CSNK1G1: variants seen among roughly 807,000 people sequenced by gnomAD.
CSNK1G1 encodes the protein casein kinase I isoform gamma-1.
Under a neutral mutation model 59.6 loss-of-function variants are expected in CSNK1G1, and 22 were observed. The ratio of observed to expected loss-of-function variants is 0.37; its 90% CI spans 0.26 to 0.53. CSNK1G1 has a LOEUF of 0.53. CSNK1G1 is among the 20% of genes least tolerant of loss of function. The probability of loss-of-function intolerance (pLI) is 0.89; values close to 1 mark genes in which losing one functional copy is unlikely to be tolerated. For missense variants in CSNK1G1, 384 were observed against 519.5 expected, an observed-to-expected ratio of 0.74 and a Z score of 2.54; for synonymous variants, 179 against 177.1, an observed-to-expected ratio of 1.01 and a Z score of -0.08.
chr15:64,342,979 A>G (rs184554237), intron 1 of CSNK1G1, among the ~76,000 whole-genome samples: 3 of 152,274 alleles, frequency 2.0e-5, no homozygotes, highest in Non-Finnish European at 2.9e-5. Flanking sequence ...CTGCTGGTCA[A>G]GAAACCACAT....
chr15:64,255,471 C>T (rs1892326451), intron 3 of CSNK1G1, among the ~76,000 whole-genome samples: 1 of 152,142 alleles, frequency 6.6e-6, no homozygotes, highest in Admixed American at 6.5e-5. Context: ...TGGTTTGGAA[C>T]ACTTTTATAT....
chr15:64,282,692 G>A (rs1728643233), intron 2 of CSNK1G1, among the ~76,000 whole-genome samples: 1 of 152,150 alleles, frequency 6.6e-6, no homozygotes, highest in Non-Finnish European at 1.5e-5. Context: ...TTCTTCAGGT[G>A]ATAAACATTT....
intron 1 of CSNK1G1, among the ~76,000 whole-genome samples, chr15:64,301,677 CAA>C (rs1423966559): frequency 2.3e-4 from 35 of 152,284 alleles, no homozygotes; most frequent in African/African-American, 8.2e-4. Context: ...CACCTGAGGT[CAA>C]GAGTTTGAGA....
At position 64,176,192 on chromosome 15, in the gene CSNK1G1, T is replaced by C. The variant is rs1386194194; in HGVS notation, c.1214+4156A>G. The C allele has an allele frequency of 2.5e-6, 1 of 398,604 alleles. No individual in the cohort carries two copies. Among genetic ancestry groups the C allele is most frequent in the Non-Finnish European group, 4.4e-6 (1 of 226,082 alleles). The allele number at this position is 398,604 out of a possible 1,614,324, so 24.7% of individuals were successfully genotyped here. The stretch of plus-strand genomic sequence containing the variant: ...GCTATTTAATGTTCCTAAGGCATTT[T>C]GTTTGGCTTTGCCAGTCCCAGCCTA... On this transcript the variant is annotated intron_variant, in intron 11 of 11. Coordinates refer to ENST00000303052, the MANE Select transcript of CSNK1G1 (RefSeq NM_022048.5). The surrounding 1 kb of genome is among the most constrained non-coding windows in gnomAD (Gnocchi z 5.2).
Position 64,214,326 on chromosome 15 carries a change from A to C in CSNK1G1, c.445-202T>G, listed in dbSNP as rs1457303329. ...TACGTACACAACAAATATCAAGACTAGGAAAAAAAGTGGGATAGTACAGGT... is the reference window on the plus strand; with the variant it reads ...TACGTACACAACAAATATCAAGACTCGGAAAAAAAGTGGGATAGTACAGGT... On this transcript the variant is annotated intron_variant, in intron 5 of 11. Transcript: ENST00000303052. This position sits in a 1 kb window ranked among gnomAD's most constrained non-coding sequence, Gnocchi z 4.3. Among the ~76,000 whole-genome samples the C allele has an allele frequency of 6.6e-6, 1 of 152,256 alleles. No individual in the cohort carries two copies. The highest frequency in any genetic ancestry group is 1.5e-5 in the Non-Finnish European group (1 of 68,040).
intron 1 of CSNK1G1, among the ~76,000 whole-genome samples, chr15:64,337,152 T>G (rs1258648792): frequency 9.9e-5 from 15 of 152,020 alleles, no homozygotes; most frequent in Admixed American, 6.6e-4. Flanking sequence ...CGCTTGAACC[T>G]GGGAGGTGGA....
chr15:64,220,678 G>A lies in CSNK1G1; in HGVS notation c.293-3965C>T, dbSNP rs2082377397. 5.3e-5 allele frequency among the ~76,000 whole-genome samples: 8 copies of A among 151,832 alleles called. No homozygotes were observed. In the South Asian group the frequency reaches 1.7e-3, roughly 32 times the overall value. On this transcript the variant is annotated intron_variant, in intron 4 of 11. Transcript: ENST00000303052. The stretch of plus-strand genomic sequence containing the variant: ...TGTTTTTAGTTTTACTCTTGCCTCA[G>A]CCTCCTGAGTAGCTGGGACTACAGA...
intron 10 of CSNK1G1, among the ~76,000 whole-genome samples, chr15:64,191,007 A>G (rs926145985): frequency 6.6e-6 from 1 of 152,156 alleles, no homozygotes; most frequent in African/African-American, 2.4e-5. Context: ...TCTATAATAC[A>G]TACTAAATGC....
At position 64,188,459 on chromosome 15, in the gene CSNK1G1, C is replaced by T; in HGVS notation, c.1108-8005G>A. ...TCTGCCGGCTGGGCTGAATTTCCCA[C>T]TCTCCTCGGCGCTCTGATGATACAT... On this transcript the variant is annotated intron_variant, in intron 10 of 11. Transcript: ENST00000303052. The surrounding 1 kb of genome is among the most constrained non-coding windows in gnomAD (Gnocchi z 4.2). 2 of 1,536,154 alleles carry T rather than the reference C, an allele frequency of 1.3e-6. No individual in the cohort carries two copies. The highest frequency in any genetic ancestry group is 1.7e-6 in the Non-Finnish European group (2 of 1,146,916).
chr15:64,347,100 A>C (rs1436204300), intron 1 of CSNK1G1, among the ~76,000 whole-genome samples: 2 of 152,212 alleles, frequency 1.3e-5, no homozygotes, highest in African/African-American at 4.8e-5. Flanking sequence ...ATACTACTAC[A>C]TATCTATTAG....
At chr15:64,222,466 G>A (rs2082403276) in intron 4 of CSNK1G1, among the ~76,000 whole-genome samples, 2 of 150,402 alleles carry the variant, frequency 1.3e-5, no homozygotes, top group South Asian at 4.2e-4. Context: ...AAAAGAGGAG[G>A]GGGTTTAGAC....
chr15:64,177,457 T>A (rs2081754885), intron 11 of CSNK1G1, among the ~76,000 whole-genome samples: 1 of 152,226 alleles, frequency 6.6e-6, no homozygotes, highest in Non-Finnish European at 1.5e-5. Flanking sequence ...GACAGTTCTC[T>A]GGGCAAGATG....
intron 7 of CSNK1G1, among the ~76,000 whole-genome samples, chr15:64,206,021 C>T (rs1214384242): frequency 1.3e-5 from 2 of 152,126 alleles, no homozygotes; most frequent in African/African-American, 4.8e-5. Context: ...AAAAATATGT[C>T]TTGGGCCAGG....
intron 1 of CSNK1G1, among the ~76,000 whole-genome samples, chr15:64,305,396 C>T (rs2140412035): frequency 6.6e-6 from 1 of 152,090 alleles, no homozygotes; most frequent in East Asian, 1.9e-4. Flanking sequence ...CAATACAAGG[C>T]TTGAAATGCA....
chr15:64,266,653 G>A (rs375147927), intron 2 of CSNK1G1, among the ~76,000 whole-genome samples: 14 of 152,232 alleles, frequency 9.2e-5, no homozygotes, highest in South Asian at 6.2e-4. Context: ...AAAGCAGCAT[G>A]GCACTGGCAT....
intron 2 of CSNK1G1, among the ~76,000 whole-genome samples, chr15:64,290,990 A>C (rs982866403): frequency 1.3e-5 from 2 of 152,192 alleles, no homozygotes; most frequent in African/African-American, 4.8e-5. Flanking sequence ...CTGAGATTAC[A>C]GGCGTGAGCC....
At chr15:64,234,805 G>A (rs1332339935) in intron 4 of CSNK1G1, among the ~76,000 whole-genome samples, 2 of 152,032 alleles carry the variant, frequency 1.3e-5, no homozygotes, top group East Asian at 3.8e-4. Context: ...GGCCCATGTG[G>A]TTCTGTACCC....
At position 64,329,476 on chromosome 15, in the gene CSNK1G1, C is replaced by T. The variant is rs1444809538; in HGVS notation, c.-225+26512G>A. ...AAATAAAGATGTTCTTTGAAACCAA[C>T]GAGAACAAAGACACAACATACCAGA... On this transcript the variant is annotated intron_variant, in intron 1 of 11. Transcript: ENST00000303052. Among the ~76,000 whole-genome samples the T allele has an allele frequency of 1.5e-4, 21 of 136,702 alleles. No homozygotes were observed. The East Asian group carries it at 1.7e-3, about 11-fold the overall frequency. 89.7% of individuals were successfully genotyped at this position (136,702 alleles called of 152,430 possible). A position where few individuals can be genotyped will look rare whatever the true frequency, so the allele number is the denominator to read the frequency against.
In CSNK1G1 at chr15:64,205,012, G is replaced by C. The variant is rs115221687; in HGVS notation, c.766-63C>G. 3.6e-4 allele frequency: 334 copies of C among 927,694 alleles called. 1 individual carries two copies. In the African/African-American group the frequency reaches 4.0e-3, roughly 11 times the overall value. 57.5% of individuals were successfully genotyped at this position (927,694 alleles called of 1,614,324 possible). On this transcript the variant is annotated intron_variant, in intron 7 of 11. Transcript: ENST00000303052. ...GGCCTAAACATGGGAGATTCAATAT[G>C]TTTTTGGACACAATGGTTGTTTCAC... is the stretch of plus-strand genomic sequence containing the variant.
Sources: allele counts gnomAD v4.1 joint callset (sites outside exome capture counted in the v4.1 genomes callset), GRCh38; gene constraint gnomAD v4.1.1; non-coding constraint Gnocchi (gnomAD v3.1); transcripts MANE v1.5; gene names NCBI Gene and HGNC (gene_info 2026-07-23, HGNC 2026-07-21).